Variants in LINGO2 observed in about 807,000 individuals in gnomAD.
LINGO2 encodes the protein leucine rich repeat and Ig domain containing 2, also known as leucine-rich repeat and immunoglobulin-like domain-containing nogo receptor-interacting protein 2.
In LINGO2, 14 loss-of-function variants were observed where a neutral mutation model predicts 30.6. The ratio of observed to expected loss-of-function variants is 0.46; its 90% CI spans 0.30 to 0.72. LINGO2 has a LOEUF of 0.72. Ranked by LOEUF, LINGO2 falls within the 30% of genes least tolerant of loss-of-function variation. The probability of loss-of-function intolerance (pLI) is 0.07; values close to 1 mark genes in which losing one functional copy is unlikely to be tolerated. For missense variants in LINGO2, 729 were observed against 751.7 expected (o/e 0.97, Z 0.35); for synonymous variants, 317 against 288.5 (o/e 1.10, Z -1.00).
the LINGO2 span, among the ~76,000 whole-genome samples, chr9:28,897,613 G>A: frequency 1.3e-5 from 2 of 151,930 alleles, no homozygotes; most frequent in Non-Finnish European, 2.9e-5. Flanking sequence ...CTTGAATTCT[G>A]GCTCTGATAT....
At chr9:28,135,978 A>C (rs570798171) in intron 4 of LINGO2, among the ~76,000 whole-genome samples, 2 of 152,252 alleles carry the variant, frequency 1.3e-5, no homozygotes, top group East Asian at 3.9e-4. Flanking sequence ...TCCAGCATCT[A>C]TCTAGCACAG....
At chr9:27,940,073 T>A in the LINGO2 span, 4 of 152,192 alleles carry the variant, frequency 2.6e-5, no homozygotes, top group Non-Finnish European at 5.9e-5. Flanking sequence ...AGGTCTTAGT[T>A]TTTTTAGCAG....
the LINGO2 span, among the ~76,000 whole-genome samples, chr9:29,124,200 C>G: frequency 6.6e-6 from 1 of 152,256 alleles, no homozygotes; most frequent in African/African-American, 2.4e-5. Flanking sequence ...GGATAACTGA[C>G]TAGCCATATG....
At chr9:29,059,147 TG>T in the LINGO2 span, among the ~76,000 whole-genome samples, 113 of 151,910 alleles carry the variant, frequency 7.4e-4, 1 homozygote, top group African/African-American at 2.6e-3. Context: ...AATAAGTAAA[TG>T]GAGACATATG....
At chr9:28,425,938 G>A (rs764103520) in intron 2 of LINGO2, among the ~76,000 whole-genome samples, 1 of 151,800 alleles carries the variant, frequency 6.6e-6, no homozygotes, top group Non-Finnish European at 1.5e-5. Context: ...TATTCAGCTT[G>A]CTTCTTTTTG....
intron 5 of LINGO2, among the ~76,000 whole-genome samples, chr9:28,012,086 C>T (rs1232610985): frequency 2.6e-5 from 4 of 152,106 alleles, no homozygotes; most frequent in African/African-American, 9.7e-5. Flanking sequence ...TTATTTTCCC[C>T]AGAAGAGTTG....
At chr9:28,426,109 C>G (rs1823400550) in intron 2 of LINGO2, among the ~76,000 whole-genome samples, 2 of 151,960 alleles carry the variant, frequency 1.3e-5, no homozygotes, top group African/African-American at 2.4e-5. Flanking sequence ...CTTCTTTCTG[C>G]CTTTATGAAG....
chr9:28,056,000 G>A (rs528982279), intron 4 of LINGO2, among the ~76,000 whole-genome samples: 3 of 152,098 alleles, frequency 2.0e-5, no homozygotes, highest in East Asian at 1.9e-4. Flanking sequence ...ATTATGAGAC[G>A]AAAAGAAAGA....
chr9:28,942,042 A>C, the LINGO2 span, among the ~76,000 whole-genome samples: 2 of 151,984 alleles, frequency 1.3e-5, no homozygotes, highest in East Asian at 3.9e-4. Flanking sequence ...CCCTTTTTTA[A>C]ACCTCACCAA....
chr9:29,125,755 T>C, the LINGO2 span, among the ~76,000 whole-genome samples: 1 of 152,128 alleles, frequency 6.6e-6, no homozygotes, highest in African/African-American at 2.4e-5. Flanking sequence ...AATGTAAAAT[T>C]AATAAAGTAT....
chr9:28,262,304 G>T (rs1251550088), intron 4 of LINGO2, among the ~76,000 whole-genome samples: 2 of 151,368 alleles, frequency 1.3e-5, no homozygotes, highest in African/African-American at 2.4e-5. Flanking sequence ...TAGTTCTATT[G>T]GTTCCAAAAC....
the LINGO2 span, among the ~76,000 whole-genome samples, chr9:28,855,939 A>G: frequency 6.6e-6 from 1 of 152,072 alleles, no homozygotes; most frequent in Non-Finnish European, 1.5e-5. Context: ...GTAGAGATGT[A>G]GGCGGACACA....
At chr9:28,375,225 C>T (rs1327108880) in intron 2 of LINGO2, among the ~76,000 whole-genome samples, 1 of 152,054 alleles carries the variant, frequency 6.6e-6, no homozygotes, top group East Asian at 1.9e-4. Context: ...ATTTTCCATA[C>T]CTGAAAATGT....
chr9:28,048,737 T>TA (rs1824536104), intron 4 of LINGO2, among the ~76,000 whole-genome samples: 1 of 150,780 alleles, frequency 6.6e-6, no homozygotes, highest in Admixed American at 6.7e-5. Flanking sequence ...AAAGATTTAA[T>TA]AAATTCAACC....
chr9:28,518,635 T>A (rs1820718317), intron 1 of LINGO2, among the ~76,000 whole-genome samples: 1 of 152,220 alleles, frequency 6.6e-6, no homozygotes, highest in Admixed American at 6.5e-5. Flanking sequence ...AGACGGGCCT[T>A]ATTAACATAA....
intron 1 of LINGO2, among the ~76,000 whole-genome samples, chr9:28,586,849 T>TA (rs1205310143): frequency 7.2e-5 from 11 of 151,904 alleles, no homozygotes; most frequent in African/African-American, 2.7e-4. Flanking sequence ...AGGAGGTATT[T>TA]AAAAAAACAT....
intron 1 of LINGO2, among the ~76,000 whole-genome samples, chr9:28,608,001 C>T (rs1284496460): frequency 2.0e-5 from 3 of 152,032 alleles, no homozygotes; most frequent in East Asian, 1.9e-4. Flanking sequence ...TAATGTAAAA[C>T]AAATTAATGG....
chr9:28,439,863 C>T (rs755439291), intron 2 of LINGO2, among the ~76,000 whole-genome samples: 4 of 152,232 alleles, frequency 2.6e-5, no homozygotes, highest in East Asian at 1.9e-4. Flanking sequence ...TAAGGTCTGT[C>T]GTATGATTCA....
chr9:28,573,160 G>C (rs1238965299), intron 1 of LINGO2, among the ~76,000 whole-genome samples: 1 of 152,096 alleles, frequency 6.6e-6, no homozygotes, highest in South Asian at 2.1e-4. Context: ...AAAGCTGAAG[G>C]CAATCTTGAA....
Sources: gnomAD v4.1 joint callset for allele counts (sites outside exome capture counted in the v4.1 genomes callset) on GRCh38, gnomAD v4.1.1 for gene constraint, MANE v1.5 for transcripts, NCBI Gene and HGNC (gene_info 2026-07-23, HGNC 2026-07-21) for gene names.